The following SNTB1 variants were observed in gnomAD, a reference collection of about 807,000 sequenced individuals.
The protein encoded by SNTB1 is syntrophin beta 1.
A neutral mutation model predicts 48.9 loss-of-function variants in SNTB1; 36 were observed. That is an observed-to-expected ratio of 0.74 (90% CI 0.56 to 0.97). The LOEUF is 0.97. Among genes scored for constraint, SNTB1 ranks in the 50% least tolerant of loss-of-function variants. The pLI, the probability that SNTB1 is intolerant of heterozygous loss-of-function variation, is 0.00. For missense variants in SNTB1, 786 were observed against 703.4 expected (o/e 1.12, Z -1.33); for synonymous variants, 299 against 294.6 (o/e 1.01, Z -0.15).
intron 2 of SNTB1, among the ~76,000 whole-genome samples, chr8:120,683,706 G>A (rs1456956975): frequency 6.6e-6 from 1 of 152,158 alleles, no homozygotes; most frequent in African/African-American, 2.4e-5. Flanking sequence ...GCTTAAAAAT[G>A]TCTGTGAAAG....
chr8:120,606,723 T>TGACC (rs901420973), intron 3 of SNTB1, among the ~76,000 whole-genome samples: 11 of 152,194 alleles, frequency 7.2e-5, no homozygotes, highest in Non-Finnish European at 1.0e-4. Context: ...AATTCAAACA[T>TGACC]GACCATGTAG....
At chr8:120,616,036 C>T (rs556421935) in intron 3 of SNTB1, among the ~76,000 whole-genome samples, 1 of 152,310 alleles carries the variant, frequency 6.6e-6, no homozygotes, top group East Asian at 1.9e-4. Context: ...TCAGCACCCA[C>T]ATAGTGCCTA....
At chr8:120,675,048 A>G (rs1171448328) in intron 2 of SNTB1, among the ~76,000 whole-genome samples, 1 of 152,208 alleles carries the variant, frequency 6.6e-6, no homozygotes, top group African/African-American at 2.4e-5. Flanking sequence ...AGCTGCAAAT[A>G]GTAAAGGTCT....
Position 120,575,233 on chromosome 8 carries a change from A to G in SNTB1, c.997-8T>C. ...CTTGCTCTCCCCTGGCACCTGAAAA[A>G]GAAAGCAGAGAACTGTCAAATGACA... is the stretch of plus-strand genomic sequence containing the variant. On this transcript the variant is annotated splice_region_variant and splice_polypyrimidine_tract_variant and intron_variant, in intron 3 of 6. Coordinates refer to ENST00000517992, the MANE Select transcript of SNTB1 (RefSeq NM_021021.4). 1.9e-6 allele frequency: 3 copies of G among 1,614,168 alleles called. No individual in the cohort carries two copies. The highest frequency in any genetic ancestry group is 2.5e-6 in the Non-Finnish European group (3 of 1,179,998).
At chr8:120,571,248 T>G (rs72680558) in intron 4 of SNTB1, 3 of 1,265,650 alleles carry the variant, frequency 2.4e-6, no homozygotes, top group African/African-American at 1.5e-5. Flanking sequence ...CATTTCAAGA[T>G]GCTTGGGTCC....
Position 120,682,983 on chromosome 8 carries a change from G to A in SNTB1, c.788+10709C>T, listed in dbSNP as rs925024560. On this transcript the variant is annotated intron_variant, in intron 2 of 6. Transcript: ENST00000517992. The stretch of plus-strand genomic sequence containing the variant: ...TGCAACCTCCGCCTCCTGGGTTCAC[G>A]CCATTCTCCTGCCTCAGCCTCCCGA... Among the ~76,000 whole-genome samples, 13 of 147,044 alleles carry A rather than the reference G, an allele frequency of 8.8e-5. No homozygotes were observed. In the East Asian group the frequency reaches 1.7e-3, roughly 19 times the overall value.
chr8:120,610,339 G>A lies in SNTB1; in HGVS notation c.996+22105C>T, dbSNP rs561801871. On this transcript the variant is annotated intron_variant, in intron 3 of 6. Transcript: ENST00000517992. The stretch of plus-strand genomic sequence containing the variant: ...TTTAGAAGAGACGGGGTTTCACCAC[G>A]TTGGCCAGTCTGGTCTCGAACTCCT... Among the ~76,000 whole-genome samples the A allele has an allele frequency of 7.0e-4, 106 of 152,286 alleles. 1 individual carries two copies. Among genetic ancestry groups the A allele is most frequent in the Admixed American group, 2.7e-3 (41 of 15,300 alleles).
intron 4 of SNTB1, among the ~76,000 whole-genome samples, chr8:120,558,722 C>T (rs1815607287): frequency 6.6e-6 from 1 of 152,176 alleles, no homozygotes; most frequent in East Asian, 1.9e-4. Flanking sequence ...CATGCCTTAG[C>T]TTCCTCAACT....
intron 3 of SNTB1, among the ~76,000 whole-genome samples, chr8:120,622,795 G>A (rs960212935): frequency 3.3e-5 from 5 of 152,194 alleles, no homozygotes; most frequent in African/African-American, 1.2e-4. Flanking sequence ...AGTGATTATA[G>A]TAGATATTGT....
At chr8:120,586,541 C>A (rs1359462906) in intron 3 of SNTB1, among the ~76,000 whole-genome samples, 1 of 152,118 alleles carries the variant, frequency 6.6e-6, no homozygotes, top group Non-Finnish European at 1.5e-5. Flanking sequence ...GCTTCTGACC[C>A]TCCTGCCTCC....
In SNTB1 at chr8:120,811,610, G is replaced by T. The variant is rs200132515; in HGVS notation, c.234C>A (p.Gly78=). 8.5e-5 allele frequency: 135 copies of T among 1,582,190 alleles called. 1 individual carries two copies. The African/African-American group carries it at 1.6e-3, about 19-fold the overall frequency. ...AGTCCGGGGGCTGCGCGCCGCCCGC[G>T]CCCGGGTGCCCAGCCCCGGCGCCCC... ...FCRGAGAGHP[G]AGGAQPPDSP... is the part of the protein sequence containing the mutation. Residue 78 remains glycine (G), a synonymous_variant, in exon 1 of 7, where the codon GGC becomes GGA. Transcript: ENST00000517992.
At chr8:120,675,115 G>A (rs568966894) in intron 2 of SNTB1, among the ~76,000 whole-genome samples, 15 of 152,308 alleles carry the variant, frequency 9.8e-5, no homozygotes, top group African/African-American at 3.4e-4. Context: ...TGTTTTAAGT[G>A]TGAAAAGGCC....
At position 120,739,563 on chromosome 8, in the gene SNTB1, G is replaced by A. The variant is rs368289764; in HGVS notation, c.572-45655C>T. Among the ~76,000 whole-genome samples, 5 of 152,164 alleles carry A rather than the reference G, an allele frequency of 3.3e-5. No individual in the cohort carries two copies. The East Asian group carries it at 7.7e-4, about 23-fold the overall frequency. On this transcript the variant is annotated intron_variant, in intron 1 of 6. Coordinates refer to ENST00000517992, the MANE Select transcript of SNTB1 (RefSeq NM_021021.4). ...AAAATTATCTTTTGTAGAGGAATTC[G>A]AATGAACTGTCATTTAATGGTAGAT...
chr8:120,805,403 C>T (rs1469958347), intron 1 of SNTB1, among the ~76,000 whole-genome samples: 1 of 151,992 alleles, frequency 6.6e-6, no homozygotes, highest in East Asian at 1.9e-4. Context: ...CACAAGGGTC[C>T]TTAAAAATGA....
chr8:120,757,424 A>G (rs28380684), intron 1 of SNTB1, among the ~76,000 whole-genome samples: 27,603 of 152,126 alleles, frequency 0.18, 6,383 homozygotes, highest in African/African-American at 0.54. Context: ...GAAAACTGGA[A>G]TAAAAGGTAA....
chr8:120,650,266 G>A (rs1438666127), intron 2 of SNTB1, among the ~76,000 whole-genome samples: 1 of 152,142 alleles, frequency 6.6e-6, no homozygotes, highest in Non-Finnish European at 1.5e-5. Flanking sequence ...CTTAAGATAG[G>A]AGTCAATGAC....
intron 1 of SNTB1, among the ~76,000 whole-genome samples, chr8:120,802,035 C>T (rs1278414796): frequency 6.6e-6 from 1 of 152,028 alleles, no homozygotes; most frequent in Non-Finnish European, 1.5e-5. Context: ...ATTAGACTCC[C>T]CATTGAAGAC....
chr8:120,671,826 G>A (rs1211006971), intron 2 of SNTB1, among the ~76,000 whole-genome samples: 2 of 152,206 alleles, frequency 1.3e-5, no homozygotes, highest in African/African-American at 4.8e-5. Flanking sequence ...TTCTTTGAGA[G>A]GAGAACCAAG....
At chr8:120,539,767 C>G (rs1444535555) in intron 6 of SNTB1, among the ~76,000 whole-genome samples, 1 of 152,178 alleles carries the variant, frequency 6.6e-6, no homozygotes, top group Non-Finnish European at 1.5e-5. Flanking sequence ...ACAACCCGAG[C>G]ATATTATAGC....
Sources: gnomAD v4.1 joint callset for allele counts (sites outside exome capture counted in the v4.1 genomes callset) on GRCh38, gnomAD v4.1.1 for gene constraint, MANE v1.5 for transcripts, NCBI Gene and HGNC (gene_info 2026-07-23, HGNC 2026-07-21) for gene names.